The following OSBPL9 variants were observed in gnomAD, a reference collection of about 807,000 sequenced individuals.
OSBPL9 encodes the protein oxysterol binding protein like 9.
OSBPL9 carries 40 observed loss-of-function variants against 106.6 expected under a neutral mutation model. The ratio of observed to expected loss-of-function variants is 0.38; its 90% CI spans 0.29 to 0.49. The LOEUF (loss-of-function observed/expected upper bound fraction) is 0.49. OSBPL9 is among the 20% of genes least tolerant of loss of function. The pLI is 0.97. For synonymous variants in OSBPL9, 269 were observed against 295.4 expected, an observed-to-expected ratio of 0.91 and a Z score of 0.92; for missense variants, 609 against 887.2, an observed-to-expected ratio of 0.69 and a Z score of 3.98.
At chr1:51,704,321 A>T (rs1657964005) in intron 3 of OSBPL9, among the ~76,000 whole-genome samples, 1 of 152,054 alleles carries the variant, frequency 6.6e-6, no homozygotes. Context: ...AGAGCCTGTT[A>T]TTGGTCGGTC....
intron 22 of OSBPL9, among the ~76,000 whole-genome samples, 156 bp from the exon 23 acceptor site, chr1:51,787,197 G>A (rs1677860744): frequency 6.6e-6 from 1 of 152,142 alleles, no homozygotes; most frequent in South Asian, 2.1e-4. Context: ...GAGCCCATAT[G>A]TCTGTTCCTT....
chr1:51,652,819 A>AT (rs1165805617), intron 2 of OSBPL9, among the ~76,000 whole-genome samples: 1 of 152,230 alleles, frequency 6.6e-6, no homozygotes, highest in East Asian at 1.9e-4. Context: ...GCAAGAAAGA[A>AT]TGCATGGCTA....
At chr1:51,699,100 A>G (rs1398666224) in intron 3 of OSBPL9, among the ~76,000 whole-genome samples, 1 of 152,192 alleles carries the variant, frequency 6.6e-6, no homozygotes, top group Non-Finnish European at 1.5e-5. Flanking sequence ...CAAAATGAAT[A>G]TTCATTTTTT....
At chr1:51,530,174 AAAAAAAAAAAAAAAAAAAC>A in the OSBPL9 span, among the ~76,000 whole-genome samples, 16 of 104,020 alleles carry the variant, frequency 1.5e-4, no homozygotes, top group Admixed American at 3.7e-4. Flanking sequence ...CTGTCTCAAA[AAAAAAAAAAAAAAAAAAAC>A]AAAAAAAAAA....
At chr1:51,713,642 A>AT (rs1352859700) in intron 3 of OSBPL9, among the ~76,000 whole-genome samples, 1 of 152,050 alleles carries the variant, frequency 6.6e-6, no homozygotes, top group African/African-American at 2.4e-5. Flanking sequence ...TATCTTCTAA[A>AT]TTTTTTGTCT....
chr1:51,756,424 G>GCTTCTCCTGAT, intron 9 of OSBPL9, 66 bp downstream of exon 9: 1 of 1,480,930 alleles, frequency 6.8e-7, no homozygotes, highest in Non-Finnish European at 9.4e-7. Context: ...GTCATATCAG[G>GCTTCTCCTGAT]AGAAGCCTGA....
chr1:51,535,597 G>A, the OSBPL9 span, among the ~76,000 whole-genome samples: 385 of 150,148 alleles, frequency 2.6e-3, no homozygotes, highest in Non-Finnish European at 3.9e-3. Context: ...TCACTCTGTC[G>A]CCCAGGCTGG....
the OSBPL9 span, among the ~76,000 whole-genome samples, chr1:51,532,880 T>C: frequency 5.3e-5 from 8 of 152,082 alleles, no homozygotes; most frequent in Non-Finnish European, 1.0e-4. Context: ...CAGAGAAGTG[T>C]TGGAGTCAGG....
intron 4 of OSBPL9, among the ~76,000 whole-genome samples, chr1:51,714,641 T>C (rs1025264193): frequency 6.6e-6 from 1 of 152,234 alleles, no homozygotes; most frequent in African/African-American, 2.4e-5. Context: ...TGCATTGGCT[T>C]CATTTTCGGT....
At chr1:51,630,186 A>G (rs1645021802) in intron 1 of OSBPL9, among the ~76,000 whole-genome samples, 1 of 152,140 alleles carries the variant, frequency 6.6e-6, no homozygotes, top group African/African-American at 2.4e-5. Flanking sequence ...TCTGTGATAG[A>G]TAATGAGATT....
Position 51,599,837 on chromosome 1 carries a change from C to A in OSBPL9, c.-353+1644C>A, listed in dbSNP as rs1645318696. Among the ~76,000 whole-genome samples, 5 of 152,278 alleles carry A rather than the reference C, an allele frequency of 3.3e-5. No individual in the cohort carries two copies. In the East Asian group the frequency reaches 7.7e-4, roughly 24 times the overall value. On this transcript the variant is annotated intron_variant, in intron 2 of 25. Coordinates refer to the OSBPL9 transcript ENST00000371714. ...ATTTATAAAGAACAGAAATTTATTT[C>A]TCACAGTTCTGGAGGCTGGGACGTC...
At chr1:51,522,090 A>G in the OSBPL9 span, among the ~76,000 whole-genome samples, 1 of 152,218 alleles carries the variant, frequency 6.6e-6, no homozygotes, top group Non-Finnish European at 1.5e-5. Flanking sequence ...AATGTTCAGT[A>G]AGTACATTAT....
the OSBPL9 span, among the ~76,000 whole-genome samples, chr1:51,521,216 T>C: frequency 2.0e-5 from 3 of 152,232 alleles, no homozygotes; most frequent in Non-Finnish European, 4.4e-5. Flanking sequence ...TCACTAGTTG[T>C]ATGCCCTTAG....
At chr1:51,532,094 G>A in the OSBPL9 span, among the ~76,000 whole-genome samples, 1 of 152,154 alleles carries the variant, frequency 6.6e-6, no homozygotes, top group African/African-American at 2.4e-5. Context: ...TGGTGACCTT[G>A]GTAATCGTTT....
At chr1:51,527,427 C>A in the OSBPL9 span, among the ~76,000 whole-genome samples, 1 of 152,030 alleles carries the variant, frequency 6.6e-6, no homozygotes, top group East Asian at 1.9e-4. Flanking sequence ...CAGGGACTCA[C>A]CCTGTTGCCC....
intron 1 of OSBPL9, among the ~76,000 whole-genome samples, chr1:51,579,778 C>G (rs72663116): frequency 6.6e-6 from 1 of 151,088 alleles, no homozygotes; most frequent in Admixed American, 6.6e-5. Context: ...CACCTGAGCC[C>G]AGAGAGGTCA....
intron 4 of OSBPL9, among the ~76,000 whole-genome samples, chr1:51,727,433 T>C (rs1297523470): frequency 6.6e-6 from 1 of 152,190 alleles, no homozygotes; most frequent in Non-Finnish European, 1.5e-5. Context: ...TAAATAATGA[T>C]ATAATGCTGA....
chr1:51,763,755 G>A (rs1672015976), intron 11 of OSBPL9, among the ~76,000 whole-genome samples: 1 of 152,118 alleles, frequency 6.6e-6, no homozygotes, highest in South Asian at 2.1e-4. Context: ...TAATGAAATT[G>A]AAATATTTTG....
intron 4 of OSBPL9, among the ~76,000 whole-genome samples, chr1:51,719,142 C>CT (rs1297487770): frequency 1.3e-5 from 2 of 152,264 alleles, no homozygotes; most frequent in East Asian, 3.9e-4. Context: ...TAAGACTAAG[C>CT]TTGTCTTCTC....
Sources: gnomAD v4.1 joint callset for allele counts (sites outside exome capture counted in the v4.1 genomes callset) on GRCh38, gnomAD v4.1.1 for gene constraint, MANE v1.5 for transcripts, NCBI Gene and HGNC (gene_info 2026-07-23, HGNC 2026-07-21) for gene names.